The following DNAJC21 variants were observed in gnomAD, a reference collection of about 807,000 sequenced individuals.
The protein encoded by DNAJC21 is dnaJ homolog subfamily C member 21.
DNAJC21 carries 63 observed loss-of-function variants against 72.4 expected under a neutral mutation model. That is an observed-to-expected ratio of 0.87 (90% CI 0.71 to 1.07). The LOEUF is 1.07. Ranked by LOEUF, DNAJC21 falls within the 50% of genes least tolerant of loss-of-function variation. DNAJC21 has a pLI of 0.00. For synonymous variants in DNAJC21, 203 were observed against 216.7 expected (o/e 0.94, Z 0.56); for missense variants, 634 against 644.8 (o/e 0.98, Z 0.18).
chr5:34,943,879 T>C (rs541780393), intron 7 of DNAJC21, among the ~76,000 whole-genome samples: 50 of 152,358 alleles, frequency 3.3e-4, no homozygotes, highest in African/African-American at 1.2e-3. Flanking sequence ...TTTTCCAGAA[T>C]TGGTTAGTGA....
At position 34,950,349 on chromosome 5, in the gene DNAJC21, C is replaced by A; in HGVS notation, c.1358+7C>A. Reference sequence around the variant, plus strand: ...CAAAAAGTGAAGCTAAAAGGTAAGTCAAAGTTGCATATTATTTGTAAATTA... The same window carrying A: ...CAAAAAGTGAAGCTAAAAGGTAAGTAAAAGTTGCATATTATTTGTAAATTA... On this transcript the variant is annotated splice_region_variant and intron_variant, in intron 10 of 11. Transcript: ENST00000648817. 1 of 1,604,366 alleles carries A rather than the reference C, an allele frequency of 6.2e-7. No individual in the cohort carries two copies. The highest frequency in any genetic ancestry group is 1.1e-5 in the South Asian group (1 of 88,186).
Position 34,937,585 on chromosome 5 carries a change from G to T in DNAJC21, c.698G>T (p.Arg233Met). 2 of 1,613,820 alleles carry T rather than the reference G, an allele frequency of 1.2e-6. No homozygotes were observed. The highest frequency in any genetic ancestry group is 1.7e-6 in the Non-Finnish European group (2 of 1,179,792). The change falls in exon 5 of 12, where the codon AGG becomes ATG. Residue 233 changes from arginine (R) to methionine (M), a missense_variant. Transcript: ENST00000648817. ...LVEEQNAEKA[R>M]KAEEMRRQQK... ...GAAGAACAGAATGCAGAGAAGGCGA[G>T]GAAAGCCGAAGAGATGAGGCGGCAG...
At position 34,935,796 on chromosome 5, in the gene DNAJC21, C is replaced by T; in HGVS notation, c.278C>T (p.Thr93Ile). Reference sequence around the variant, plus strand: ...AGCTTAGATTTGCTACGCTATTTCACCGTTACCTGTTATTCTGGTTATGGA... The same window carrying T: ...AGCTTAGATTTGCTACGCTATTTCATCGTTACCTGTTATTCTGGTTATGGA... ...DDSLDLLRYF[T>I]VTCYSGYGDD... The change falls in exon 3 of 12, where the codon ACC becomes ATC. Residue 93 changes from threonine to isoleucine, a missense_variant. Coordinates refer to ENST00000648817, the MANE Select transcript of DNAJC21 (RefSeq NM_001012339.3). 6.2e-7 allele frequency: 1 copy of T among 1,613,994 alleles called. No homozygotes were observed. Among genetic ancestry groups the T allele is most frequent in the Non-Finnish European group, 8.5e-7 (1 of 1,179,940 alleles).
At chr5:34,930,140 G>A in intron 1 of DNAJC21, 1 of 340,052 alleles carries the variant, frequency 2.9e-6, no homozygotes, top group Non-Finnish European at 5.5e-6. Flanking sequence ...TCATACCCGC[G>A]ACCCCGGCCC....
rs1580523139 is a variant in DNAJC21 at position 34,933,916 on chromosome 5, T to C, written c.191+8T>C. On this transcript the variant is annotated splice_region_variant and intron_variant, in intron 2 of 11. Coordinates refer to ENST00000648817, the MANE Select transcript of DNAJC21 (RefSeq NM_001012339.3). ...CCCTCAGGAAAGAGCATGGTGAGCA[T>C]CACGCTGTCCTTCCCATCCTAGTTT... 1 of 1,612,168 alleles carries C rather than the reference T, an allele frequency of 6.2e-7. No individual in the cohort carries two copies. Among genetic ancestry groups the C allele is most frequent in the African/African-American group, 1.3e-5 (1 of 74,868 alleles).
chr5:34,951,659 C>G, intron 10 of DNAJC21: 1 of 827,148 alleles, frequency 1.2e-6, no homozygotes, highest in African/African-American at 1.9e-5. Flanking sequence ...TCTCGAGTTG[C>G]TGGGACTGCA....
intron 9 of DNAJC21, among the ~76,000 whole-genome samples, chr5:34,948,147 ATACTG>A (rs1353778056): frequency 6.6e-5 from 10 of 152,318 alleles, no homozygotes; most frequent in African/African-American, 2.4e-4. Context: ...GAGAAGAAGA[ATACTG>A]TAGAGTTGGA....
intron 7 of DNAJC21, among the ~76,000 whole-genome samples, chr5:34,941,560 CTT>C (rs765889955): frequency 7.9e-5 from 6 of 76,090 alleles, no homozygotes; most frequent in Admixed American, 2.0e-4. Flanking sequence ...CTTGTGTTTT[CTT>C]TTTTTTTTTT....
At position 34,940,666 on chromosome 5, in the gene DNAJC21, TA is replaced by T. The variant is rs113943908; in HGVS notation, c.896-429del. Among the ~76,000 whole-genome samples, 591 of 152,328 alleles carry T rather than the reference TA, an allele frequency of 3.9e-3. 2 individuals are homozygous for T. The highest frequency in any genetic ancestry group is 0.013 in the African/African-American group (550 of 41,574). On this transcript the variant is annotated intron_variant, in intron 6 of 11. Coordinates refer to ENST00000648817, the MANE Select transcript of DNAJC21 (RefSeq NM_001012339.3). ...ATGTTAACTTATGGCCTATCCGTCTTACAGTGATGGAATGTTATAAACTTAT... is the reference window on the plus strand; with the variant it reads ...ATGTTAACTTATGGCCTATCCGTCTTCAGTGATGGAATGTTATAAACTTAT...
intron 4 of DNAJC21, 117 bp downstream of exon 4, chr5:34,936,383 A>G: frequency 8.2e-7 from 1 of 1,224,446 alleles, no homozygotes; most frequent in South Asian, 1.6e-5. Context: ...CAGTGGTATG[A>G]TCATATCTCA....
chr5:34,938,443 G>A (rs1238201044), intron 5 of DNAJC21, among the ~76,000 whole-genome samples: 1 of 152,156 alleles, frequency 6.6e-6, no homozygotes, highest in East Asian at 1.9e-4. Flanking sequence ...GTTCATTTTA[G>A]TTCCTCTAAA....
Position 34,937,461 on chromosome 5 carries a change from C to G in DNAJC21, c.574C>G (p.Arg192Gly). The change falls in exon 5 of 12, where the codon CGG becomes GGG. Residue 192 changes from arginine to glycine, a missense_variant. Transcript: ENST00000648817. ...CATGGAAAAAGAAAACAAAAAGATT[C>G]GGGACAAAGCAAGGAAAGAGAAGAA... ...RAMEKENKKI[R>G]DKARKEKNEL... 4 of 1,614,080 alleles carry G rather than the reference C, an allele frequency of 2.5e-6. No individual in the cohort carries two copies. The highest frequency in any genetic ancestry group is 2.2e-5 in the East Asian group (1 of 44,876).
chr5:34,936,842 C>T (rs1764796459), intron 4 of DNAJC21, among the ~76,000 whole-genome samples: 1 of 152,116 alleles, frequency 6.6e-6, no homozygotes, highest in Non-Finnish European at 1.5e-5. Context: ...CCTCAGCCTC[C>T]CGGGTTCAAG....
intron 1 of DNAJC21, among the ~76,000 whole-genome samples, chr5:34,932,764 C>T (rs543048803): frequency 1.3e-5 from 2 of 152,372 alleles, no homozygotes; most frequent in South Asian, 2.1e-4. Context: ...CCATGAGCTT[C>T]TCCAGCTTCT....
chr5:34,951,836 C>T lies in DNAJC21; in HGVS notation c.1358+1494C>T, dbSNP rs949074037. The T allele has an allele frequency of 1.1e-5, 11 of 985,318 alleles. No individual in the cohort carries two copies. In the African/African-American group the frequency reaches 1.6e-4, roughly 14 times the overall value. 61.0% of individuals were successfully genotyped at this position (985,318 alleles called of 1,614,324 possible). A position where few individuals can be genotyped will look rare whatever the true frequency, so the allele number is the denominator to read the frequency against. ...ACCGTGTCTGGCCTCCATGTTACTT[C>T]TACATGAGAATTGATCTGGGGAGGA... On this transcript the variant is annotated intron_variant, in intron 10 of 11. Transcript: ENST00000648817.
chr5:34,954,764 A>C lies in DNAJC21; in HGVS notation c.*50A>C, dbSNP rs898397809. Reference sequence around the variant, plus strand: ...ACTGTCTCTAGATTTTGAAACCAAAAAACTGAACTGAAATCATCTAAAGAG... The same window carrying C: ...ACTGTCTCTAGATTTTGAAACCAAACAACTGAACTGAAATCATCTAAAGAG... On this transcript the variant is annotated 3_prime_UTR_variant, in exon 12 of 12. Coordinates refer to ENST00000648817, the MANE Select transcript of DNAJC21 (RefSeq NM_001012339.3). The C allele has an allele frequency of 1.3e-6, 2 of 1,495,468 alleles. No homozygotes were observed. The highest frequency in any genetic ancestry group is 2.8e-5 in the African/African-American group (2 of 70,510). The allele number at this position is 1,495,468 out of a possible 1,614,324, so 92.6% of individuals were successfully genotyped here.
chr5:34,950,188 A>C lies in DNAJC21; in HGVS notation c.1204A>C (p.Asn402His). The C allele has an allele frequency of 1.9e-6, 3 of 1,605,312 alleles. No individual in the cohort carries two copies. The highest frequency in any genetic ancestry group is 2.5e-6 in the Non-Finnish European group (3 of 1,177,268). Residue 402 changes from asparagine (N) to histidine (H), a missense_variant, in exon 10 of 12, where the codon AAT becomes CAT. Physicochemically the swap from Asn to His is moderately conservative, Grantham distance 68. Transcript: ENST00000648817. ...KPAQNYDDNF[N>H]VNGPGEGVKV... ...TACCTAGAATTATGATGACAATTTCAATGTAAATGGACCTGGAGAAGGAGT... is the reference window on the plus strand; with the variant it reads ...TACCTAGAATTATGATGACAATTTCCATGTAAATGGACCTGGAGAAGGAGT...
chr5:34,933,927 T>G lies in DNAJC21; in HGVS notation c.191+19T>G, dbSNP rs2112024659. The stretch of plus-strand genomic sequence containing the variant: ...GAGCATGGTGAGCATCACGCTGTCC[T>G]TCCCATCCTAGTTTATGATGTTGGG... On this transcript the variant is annotated intron_variant, in intron 2 of 11. Transcript: ENST00000648817. The G allele has an allele frequency of 6.2e-7, 1 of 1,605,950 alleles. No individual in the cohort carries two copies. Among genetic ancestry groups the G allele is most frequent in the Non-Finnish European group, 8.5e-7 (1 of 1,175,690 alleles).
intron 2 of DNAJC21, among the ~76,000 whole-genome samples, chr5:34,935,091 A>G (rs1764726641): frequency 6.6e-6 from 1 of 152,220 alleles, no homozygotes; most frequent in African/African-American, 2.4e-5. Flanking sequence ...TGGAAGCAGT[A>G]CCGTGTAGTG....
Sources: allele counts gnomAD v4.1 joint callset (sites outside exome capture counted in the v4.1 genomes callset), GRCh38; gene constraint gnomAD v4.1.1; transcripts MANE v1.5; gene names NCBI Gene and HGNC (gene_info 2026-07-23, HGNC 2026-07-21).